Variants in IL5 observed in about 807,000 individuals in gnomAD.
IL5 encodes the protein interleukin 5.
IL5 carries 12 observed loss-of-function variants against 16.3 expected under a neutral mutation model. The ratio of observed to expected loss-of-function variants is 0.74; its 90% CI spans 0.47 to 1.20. The LOEUF (loss-of-function observed/expected upper bound fraction) is 1.20, where lower values mean the gene tolerates loss of function less well. Among genes scored for constraint, IL5 ranks in the 50% most tolerant of loss-of-function variants. IL5 has a pLI of 0.00. For missense variants in IL5, 159 were observed against 153.9 expected, an observed-to-expected ratio of 1.03 and a Z score of -0.17; for synonymous variants, 54 against 56.6, an observed-to-expected ratio of 0.95 and a Z score of 0.21.
intron 1 of IL5, among the ~76,000 whole-genome samples, chr5:132,553,325 AT>A (rs1187017447): frequency 6.6e-6 from 1 of 152,152 alleles, no homozygotes; most frequent in African/African-American, 2.4e-5. Context: ...ATCTAAAGGT[AT>A]GATTAGATTC....
chr5:132,550,089 A>G (rs1332098821), intron 1 of IL5, among the ~76,000 whole-genome samples: 1 of 152,068 alleles, frequency 6.6e-6, no homozygotes, highest in Admixed American at 6.6e-5. Context: ...TTATTATTTT[A>G]GTGATAACCT....
intron 1 of IL5, among the ~76,000 whole-genome samples, chr5:132,554,925 C>T (rs1321497714): frequency 6.6e-6 from 1 of 152,180 alleles, no homozygotes; most frequent in African/African-American, 2.4e-5. Context: ...GGACCAGTCT[C>T]ACGGAAGACA....
At position 132,552,321 on chromosome 5, in the gene IL5, T is replaced by C. The variant is rs141498471; in HGVS notation, c.42+4353A>G. On this transcript the variant is annotated intron_variant, in intron 1 of 2. Transcript: ENST00000450655. Reference sequence around the variant, plus strand: ...AAAAACAAAGAATAAAGAAGTTCTCTATTAGGTATAAAACAGTATCTCATA... The same window carrying C: ...AAAAACAAAGAATAAAGAAGTTCTCCATTAGGTATAAAACAGTATCTCATA... Among the ~76,000 whole-genome samples the C allele has an allele frequency of 3.6e-3, 555 of 152,262 alleles. 4 individuals carry two copies. The highest frequency in any genetic ancestry group is 0.011 in the African/African-American group (467 of 41,552).
chr5:132,555,677 G>A (rs763578485), intron 1 of IL5, among the ~76,000 whole-genome samples: 5 of 152,104 alleles, frequency 3.3e-5, no homozygotes, highest in African/African-American at 4.8e-5. Context: ...CACCATGCCC[G>A]GCTAATTTTT....
upstream of IL5, among the ~76,000 whole-genome samples, chr5:132,544,398 T>C (rs1356657147): frequency 6.6e-6 from 1 of 152,300 alleles, no homozygotes; most frequent in East Asian, 1.9e-4. Flanking sequence ...GTGACCCTAA[T>C]CCTACCTCAA....
chr5:132,543,657 AT>A (rs1292533436), upstream of IL5: 2 of 443,976 alleles, frequency 4.5e-6, no homozygotes, highest in East Asian at 7.1e-5. Context: ...ATCTTAAAAA[AT>A]AAATTTACTT....
At position 132,541,898 on chromosome 5, in the gene IL5, T is replaced by G; in HGVS notation, c.318A>C (p.Gly106=). The part of the protein sequence containing the change: ...KYIDGQKKKC[G]EERRRVNQFL... ...ATTGGTTTACTCTCCGTCTTTCTTC[T>G]CCACACTTTTTCTGTGAAAAAAGAA... The change falls in exon 4 of 4, where the codon GGA becomes GGC. Residue 106 remains glycine, a synonymous_variant. Transcript: ENST00000231454. 6.2e-7 allele frequency: 1 copy of G among 1,613,804 alleles called. No homozygotes were observed. Among genetic ancestry groups the G allele is most frequent in the Non-Finnish European group, 8.5e-7 (1 of 1,179,784 alleles).
At chr5:132,555,260 T>C (rs1749957245) in intron 1 of IL5, among the ~76,000 whole-genome samples, 1 of 152,102 alleles carries the variant, frequency 6.6e-6, no homozygotes, top group Non-Finnish European at 1.5e-5. Flanking sequence ...GGATGAACCT[T>C]GAGGACATTA....
intron 1 of IL5, among the ~76,000 whole-genome samples, chr5:132,555,403 G>C (rs1029278160): frequency 6.6e-6 from 1 of 152,240 alleles, no homozygotes. Flanking sequence ...GGAGGAAAGG[G>C]TTATTGTTTA....
chr5:132,550,363 C>T (rs565922495), intron 1 of IL5, among the ~76,000 whole-genome samples: 13 of 146,348 alleles, frequency 8.9e-5, no homozygotes, highest in African/African-American at 3.3e-4. Flanking sequence ...CTCACTCTGT[C>T]GCCAGGCTGG....
In IL5 at chr5:132,541,586, T is replaced by C; in HGVS notation, c.*225A>G. 2.3e-6 allele frequency: 1 copy of C among 431,760 alleles called. No homozygotes were observed. Among genetic ancestry groups the C allele is most frequent in the African/African-American group, 2.0e-5 (1 of 48,868 alleles). The allele number at this position is 431,760 out of a possible 1,614,324, so 26.7% of individuals were successfully genotyped here. A position where few individuals can be genotyped will look rare whatever the true frequency, so the allele number is the denominator to read the frequency against. ...TTAAGTTAAATAAGAAAAAAGTATA[T>C]CAATTTTGCCTGGAGGAAAATACTT... On this transcript the variant is annotated 3_prime_UTR_variant, in exon 4 of 4. Transcript: ENST00000231454.
Position 132,541,480 on chromosome 5 carries a change from A to C in IL5, c.*331T>G. ...TATTTTTGTTTTATTAGAACACAAC[A>C]TAACATTAAATAAATACTAATTTAC... On this transcript the variant is annotated 3_prime_UTR_variant, in exon 4 of 4. Transcript: ENST00000231454. 4.1e-6 allele frequency: 1 copy of C among 245,338 alleles called. No homozygotes were observed. The highest frequency in any genetic ancestry group is 7.8e-6 in the Non-Finnish European group (1 of 127,526). 15.2% of individuals were successfully genotyped at this position (245,338 alleles called of 1,614,324 possible).
intron 1 of IL5, among the ~76,000 whole-genome samples, chr5:132,549,787 G>A (rs1341283301): frequency 2.6e-5 from 4 of 152,014 alleles, no homozygotes; most frequent in African/African-American, 7.2e-5. Flanking sequence ...ATGATGCCTC[G>A]CAATTTTCAT....
At chr5:132,552,144 C>CT (rs1749893106) in intron 1 of IL5, among the ~76,000 whole-genome samples, 1 of 152,108 alleles carries the variant, frequency 6.6e-6, no homozygotes, top group African/African-American at 2.4e-5. Flanking sequence ...TGGTGCACGC[C>CT]TGTAGTCCCA....
Position 132,541,734 on chromosome 5 carries a change from T to C in IL5, c.*77A>G. 1.2e-6 allele frequency: 1 copy of C among 862,602 alleles called. No individual in the cohort carries two copies. Among genetic ancestry groups the C allele is most frequent in the South Asian group, 1.6e-5 (1 of 62,864 alleles). 53.4% of individuals were successfully genotyped at this position (862,602 alleles called of 1,614,324 possible). A position where few individuals can be genotyped will look rare whatever the true frequency, so the allele number is the denominator to read the frequency against. On this transcript the variant is annotated 3_prime_UTR_variant, in exon 4 of 4. Coordinates refer to ENST00000231454, the MANE Select transcript of IL5 (RefSeq NM_000879.3). ...TATACTGAAAATTAAGGCCTGACTC[T>C]TTCTTGGCCCTCATTCTCACTGCAG...
At chr5:132,553,707 C>T (rs974914888) in intron 1 of IL5, among the ~76,000 whole-genome samples, 1 of 151,896 alleles carries the variant, frequency 6.6e-6, no homozygotes, top group Admixed American at 6.6e-5. Context: ...GAGCCCGAGG[C>T]GGGCGGATCG....
chr5:132,548,617 T>C (rs752911593), intron 1 of IL5, among the ~76,000 whole-genome samples: 20 of 152,106 alleles, frequency 1.3e-4, no homozygotes, highest in Non-Finnish European at 2.2e-4. Flanking sequence ...GCGAGGTGAA[T>C]TGGCATGTCT....
rs769846245 is a variant in IL5 at position 132,543,249 on chromosome 5, T to C, written c.144+86A>G. 5.7e-6 allele frequency: 8 copies of C among 1,415,908 alleles called. No homozygotes were observed. In the Admixed American group the frequency reaches 1.1e-4, roughly 20 times the overall value. The allele number at this position is 1,415,908 out of a possible 1,614,324, so 87.7% of individuals were successfully genotyped here. A position where few individuals can be genotyped will look rare whatever the true frequency, so the allele number is the denominator to read the frequency against. On this transcript the variant is annotated intron_variant, in intron 1 of 3. Coordinates refer to ENST00000231454, the MANE Select transcript of IL5 (RefSeq NM_000879.3). ...AATGTGCTCAGAATCTTATTATTTATAACAGATCTCTATATATAGTAAAGG... is the reference window on the plus strand; with the variant it reads ...AATGTGCTCAGAATCTTATTATTTACAACAGATCTCTATATATAGTAAAGG...
At chr5:132,552,852 A>G (rs1003973319) in intron 1 of IL5, among the ~76,000 whole-genome samples, 10 of 152,272 alleles carry the variant, frequency 6.6e-5, no homozygotes, top group Middle Eastern at 3.4e-3. Context: ...TTCCTGCCTC[A>G]GCCTCCTGAG....
Sources: allele counts gnomAD v4.1 joint callset (sites outside exome capture counted in the v4.1 genomes callset), GRCh38; gene constraint gnomAD v4.1.1; transcripts MANE v1.5; gene names NCBI Gene and HGNC (gene_info 2026-07-23, HGNC 2026-07-21).